Variants in XRRA1 observed in about 807,000 individuals in gnomAD.
XRRA1 encodes the protein X-ray radiation resistance associated 1, also known as X-ray radiation resistance-associated protein 1.
A neutral mutation model predicts 80.2 loss-of-function variants in XRRA1; 69 were observed. That is an observed-to-expected ratio of 0.86 (90% CI 0.71 to 1.05). The LOEUF (loss-of-function observed/expected upper bound fraction) is 1.05, where lower values mean the gene tolerates loss of function less well. Among genes scored for constraint, XRRA1 ranks in the 50% least tolerant of loss-of-function variants. XRRA1 has a pLI of 0.00. For synonymous variants in XRRA1, 348 were observed against 389.9 expected (o/e 0.89, Z 1.27); for missense variants, 967 against 976.4 (o/e 0.99, Z 0.13).
Position 74,844,303 on chromosome 11 carries a change from C to T in XRRA1, c.1928-20G>A. The T allele has an allele frequency of 6.3e-7, 1 of 1,597,518 alleles. No homozygotes were observed. Among genetic ancestry groups the T allele is most frequent in the Non-Finnish European group, 8.6e-7 (1 of 1,167,484 alleles). ...GGATTCCTAGGGCAAGAAGGCAAGA[C>T]TGAGTCAAGGCACTTCCCCCTCCTC... On this transcript the variant is annotated intron_variant, in intron 16 of 18. Coordinates refer to ENST00000684022, the MANE Select transcript of XRRA1 (RefSeq NM_001378157.1).
intron 8 of XRRA1, among the ~76,000 whole-genome samples, chr11:74,915,843 G>A (rs1938479910): frequency 2.6e-5 from 4 of 152,148 alleles, no homozygotes; most frequent in Admixed American, 2.6e-4. Flanking sequence ...TACGCAGGGC[G>A]GGACTGGTGG....
Position 74,845,282 on chromosome 11 carries a change from G to A in XRRA1, c.1729-11C>T, listed in dbSNP as rs1480577530. The A allele has an allele frequency of 1.2e-6, 2 of 1,603,642 alleles. No individual in the cohort carries two copies. Among genetic ancestry groups the A allele is most frequent in the Admixed American group, 3.4e-5 (2 of 58,024 alleles). ...AGGCAGTTCACTCACCTGTGCCCAG[G>A]AAGAAAACGCATTCATTTGTCACTC... On this transcript the variant is annotated splice_polypyrimidine_tract_variant and intron_variant, in intron 15 of 18. Transcript: ENST00000684022.
intron 8 of XRRA1, chr11:74,911,435 C>T (rs956139045): frequency 6.6e-6 from 1 of 152,122 alleles, no homozygotes; most frequent in African/African-American, 2.4e-5. Flanking sequence ...GGTAGGAATA[C>T]ATTTATTCTC....
At chr11:74,946,003 C>T (rs1284671851) in intron 1 of XRRA1, among the ~76,000 whole-genome samples, 1 of 151,974 alleles carries the variant, frequency 6.6e-6, no homozygotes, top group Non-Finnish European at 1.5e-5. Flanking sequence ...CACTCTGTTA[C>T]CCAGGCTGGA....
At chr11:74,925,775 C>A (rs940258577) in intron 7 of XRRA1, among the ~76,000 whole-genome samples, 1 of 152,266 alleles carries the variant, frequency 6.6e-6, no homozygotes, top group Admixed American at 6.5e-5. Context: ...CATGTCTCCT[C>A]CCTTCAGCCC....
intron 8 of XRRA1, among the ~76,000 whole-genome samples, chr11:74,908,231 A>G (rs1222898430): frequency 1.3e-5 from 2 of 152,242 alleles, no homozygotes; most frequent in Non-Finnish European, 1.5e-5. Context: ...AAGGATAGGT[A>G]TTATTTATCT....
intron 10 of XRRA1, 159 bp from the exon 11 acceptor site, chr11:74,863,180 G>C (rs192568424): frequency 3.4e-5 from 24 of 708,522 alleles, no homozygotes; most frequent in Admixed American, 3.1e-4. Flanking sequence ...AAGAGGAGCT[G>C]GCTGTGACAT....
chr11:74,892,496 C>G (rs534690292), intron 10 of XRRA1, among the ~76,000 whole-genome samples: 77 of 152,210 alleles, frequency 5.1e-4, no homozygotes, highest in African/African-American at 1.8e-3. Flanking sequence ...TAGGCATGGG[C>G]AAGGACTTCA....
chr11:74,914,201 G>C (rs978551488), intron 8 of XRRA1, among the ~76,000 whole-genome samples: 3 of 152,158 alleles, frequency 2.0e-5, no homozygotes, highest in Non-Finnish European at 4.4e-5. Context: ...GGCCAAGCTG[G>C]TCTCGAACTC....
At chr11:74,928,641 T>C (rs995156468) in intron 6 of XRRA1, among the ~76,000 whole-genome samples, 11 of 152,186 alleles carry the variant, frequency 7.2e-5, no homozygotes, top group Admixed American at 5.2e-4. Context: ...TGGAATTACT[T>C]AGAGCCTTCT....
chr11:74,843,147 C>G lies in XRRA1; in HGVS notation c.*53G>C, dbSNP rs1421432177. The G allele has an allele frequency of 2.7e-6, 4 of 1,508,652 alleles. No individual in the cohort carries two copies. Among genetic ancestry groups the G allele is most frequent in the Admixed American group, 2.0e-5 (1 of 49,564 alleles). 93.5% of individuals were successfully genotyped at this position (1,508,652 alleles called of 1,614,324 possible). ...GGTGCGGTCCAGGGCACAGAGCCCT[C>G]GGGGAGAGCTGGGGCACAGGCCGGG... On this transcript the variant is annotated 3_prime_UTR_variant, in exon 19 of 19. Transcript: ENST00000684022.
chr11:74,871,697 C>T, intron 10 of XRRA1, among the ~76,000 whole-genome samples: 1 of 152,166 alleles, frequency 6.6e-6, no homozygotes, highest in East Asian at 1.9e-4. Flanking sequence ...TTCCCCACTC[C>T]CCCAGCTTCA....
At chr11:74,862,579 G>A (rs1316459660) in intron 11 of XRRA1, among the ~76,000 whole-genome samples, 1 of 152,248 alleles carries the variant, frequency 6.6e-6, no homozygotes, top group Non-Finnish European at 1.5e-5. Context: ...GGATAGTGGT[G>A]TATCTGGCAA....
At chr11:74,905,077 C>T (rs2054300107) in intron 10 of XRRA1, among the ~76,000 whole-genome samples, 1 of 152,092 alleles carries the variant, frequency 6.6e-6, no homozygotes, top group Admixed American at 6.6e-5. Flanking sequence ...TTTGTAGAGA[C>T]AGGGTCTCAC....
intron 10 of XRRA1, among the ~76,000 whole-genome samples, chr11:74,898,101 AAGTT>A (rs770989042): frequency 5.2e-4 from 79 of 152,266 alleles, no homozygotes; most frequent in Middle Eastern, 3.4e-3. Flanking sequence ...AAACAACAAA[AAGTT>A]AGTAAGTTGG....
chr11:74,851,004 C>CAGCT (rs2039682781), intron 14 of XRRA1, 84 bp downstream of exon 14: 1 of 968,054 alleles, frequency 1.0e-6, no homozygotes. Flanking sequence ...GTGGAGTGAG[C>CAGCT]AGCTCTACAG....
At chr11:74,947,213 A>T (rs1947756290) in intron 1 of XRRA1, among the ~76,000 whole-genome samples, 1 of 152,196 alleles carries the variant, frequency 6.6e-6, no homozygotes. Flanking sequence ...GGTAGGTGAC[A>T]TTAAAGCTGG....
chr11:74,939,887 G>A (rs1425032010), intron 3 of XRRA1, among the ~76,000 whole-genome samples: 4 of 152,156 alleles, frequency 2.6e-5, no homozygotes, highest in Non-Finnish European at 4.4e-5. Context: ...GAGAGAGAGC[G>A]AGAGCAAGAG....
intron 10 of XRRA1, among the ~76,000 whole-genome samples, chr11:74,886,276 C>CTGTT (rs2048996331): frequency 6.6e-6 from 1 of 152,166 alleles, no homozygotes; most frequent in Non-Finnish European, 1.5e-5. Flanking sequence ...CAGACTATCT[C>CTGTT]TGTTTGCAAA....
Sources: allele counts gnomAD v4.1 joint callset (sites outside exome capture counted in the v4.1 genomes callset), GRCh38; gene constraint gnomAD v4.1.1; transcripts MANE v1.5; gene names NCBI Gene and HGNC (gene_info 2026-07-23, HGNC 2026-07-21).